HDGFL3: variants seen among roughly 807,000 people sequenced by gnomAD.
HDGFL3 encodes HDGF like 3.
HDGFL3 carries 6 observed loss-of-function variants against 27.6 expected under a neutral mutation model. That is an observed-to-expected ratio of 0.22 (90% CI 0.12 to 0.43). The LOEUF is 0.43. Among genes scored for constraint, HDGFL3 ranks in the 20% least tolerant of loss-of-function variants. The pLI is 1.00. For synonymous variants in HDGFL3, 88 were observed against 88.9 expected, an observed-to-expected ratio of 0.99 and a Z score of 0.05; for missense variants, 207 against 250.1, an observed-to-expected ratio of 0.83 and a Z score of 1.16.
chr15:83,164,437 T>C (rs780686052), intron 1 of HDGFL3, among the ~76,000 whole-genome samples: 11 of 130,898 alleles, frequency 8.4e-5, no homozygotes, highest in Non-Finnish European at 1.5e-4. Flanking sequence ...AGTGAATACA[T>C]ATACATCCCT....
chr15:83,203,485 T>C (rs191424061), intron 1 of HDGFL3, among the ~76,000 whole-genome samples: 1 of 151,990 alleles, frequency 6.6e-6, no homozygotes, highest in Non-Finnish European at 1.5e-5. Context: ...TCTCACCAAA[T>C]GAACAGGTGG....
intron 1 of HDGFL3, among the ~76,000 whole-genome samples, chr15:83,198,690 C>G (rs1464415217): frequency 6.6e-6 from 1 of 152,086 alleles, no homozygotes. Context: ...CAAAGAAGGT[C>G]AAAGGGAAAG....
chr15:83,163,925 G>A lies in HDGFL3; in HGVS notation c.161+74C>T, dbSNP rs2037131063. On this transcript the variant is annotated intron_variant, in intron 2 of 5. Transcript: ENST00000299633. ...TAATGATTTTAATAAGACGTAAGATGTCAGAGATCATCCATAACAATGTAG... is the reference window on the plus strand; with the variant it reads ...TAATGATTTTAATAAGACGTAAGATATCAGAGATCATCCATAACAATGTAG... 14 of 939,842 alleles carry A rather than the reference G, an allele frequency of 1.5e-5. 1 individual carries two copies. The highest frequency in any genetic ancestry group is 1.4e-4 in the South Asian group (10 of 73,656). 58.2% of individuals were successfully genotyped at this position (939,842 alleles called of 1,614,324 possible).
intron 1 of HDGFL3, among the ~76,000 whole-genome samples, chr15:83,193,670 T>A (rs1191620542): frequency 1.3e-5 from 2 of 152,232 alleles, no homozygotes; most frequent in African/African-American, 4.8e-5. Context: ...CAATTTACCG[T>A]TGCCAGCACA....
intron 5 of HDGFL3, among the ~76,000 whole-genome samples, chr15:83,147,734 C>G (rs1159649668): frequency 6.6e-6 from 1 of 152,012 alleles, no homozygotes; most frequent in African/African-American, 2.4e-5. Context: ...TATGCTTAAA[C>G]AAGACAGAAA....
At chr15:83,179,119 G>C (rs1428274830) in intron 1 of HDGFL3, 2 of 152,348 alleles carry the variant, frequency 1.3e-5, no homozygotes, top group African/African-American at 4.8e-5. Flanking sequence ...ACATTCTCCT[G>C]TAGGAACCAG....
At chr15:83,155,608 C>T (rs1358206457) in intron 4 of HDGFL3, among the ~76,000 whole-genome samples, 1 of 152,156 alleles carries the variant, frequency 6.6e-6, no homozygotes, top group Non-Finnish European at 1.5e-5. Flanking sequence ...TATCCCCATC[C>T]AAGGCAATCA....
intron 1 of HDGFL3, among the ~76,000 whole-genome samples, chr15:83,205,045 C>T (rs1371327448): frequency 6.6e-6 from 1 of 152,170 alleles, no homozygotes; most frequent in African/African-American, 2.4e-5. Flanking sequence ...GAGTCCTTGG[C>T]GCCCCACAGT....
chr15:83,152,047 A>C (rs17158073), intron 4 of HDGFL3, among the ~76,000 whole-genome samples: 1,829 of 152,330 alleles, frequency 0.012, 45 homozygotes, highest in African/African-American at 0.043. Flanking sequence ...ATTGCATTAA[A>C]ATTATAGAAA....
At chr15:83,190,438 GT>G (rs2037498299) in intron 1 of HDGFL3, among the ~76,000 whole-genome samples, 5 of 152,104 alleles carry the variant, frequency 3.3e-5, no homozygotes, top group Non-Finnish European at 5.9e-5. Flanking sequence ...TTGTATAAGA[GT>G]TTCTGTTCAC....
rs1049318093 is a variant in HDGFL3 at position 83,207,436 on chromosome 15, T to C, written c.-22A>G. 16 of 1,289,498 alleles carry C rather than the reference T, an allele frequency of 1.2e-5. No homozygotes were observed. Among genetic ancestry groups the C allele is most frequent in the African/African-American group, 1.5e-5 (1 of 65,200 alleles). 79.9% of individuals were successfully genotyped at this position (1,289,498 alleles called of 1,614,324 possible). On this transcript the variant is annotated 5_prime_UTR_variant, in exon 1 of 6. Coordinates refer to ENST00000299633, the MANE Select transcript of HDGFL3 (RefSeq NM_016073.4). This position sits in a 1 kb window ranked among gnomAD's most constrained non-coding sequence, Gnocchi z 4.8. ...CCATCCCAGCCGCTCCCCTTCCTGGTAGTCCTTGGTCGCCGCGAAGATGCC... is the reference window on the plus strand; with the variant it reads ...CCATCCCAGCCGCTCCCCTTCCTGGCAGTCCTTGGTCGCCGCGAAGATGCC...
At chr15:83,151,445 C>G in intron 4 of HDGFL3, 84 bp from the exon 5 acceptor site, 1 of 1,186,406 alleles carries the variant, frequency 8.4e-7, no homozygotes, top group Non-Finnish European at 1.2e-6. Flanking sequence ...AGCTGACTTG[C>G]ATCTATCTAG....
intron 3 of HDGFL3, among the ~76,000 whole-genome samples, chr15:83,121,651 G>A (rs2035254832): frequency 6.6e-6 from 1 of 152,142 alleles, no homozygotes; most frequent in African/African-American, 2.4e-5. Flanking sequence ...GGAGTCCTGT[G>A]GCAGGGATGA....
chr15:83,157,870 G>C, intron 3 of HDGFL3, 33 bp downstream of exon 3: 10 of 1,593,368 alleles, frequency 6.3e-6, no homozygotes, highest in Non-Finnish European at 8.6e-6. Flanking sequence ...AAAGAAATGA[G>C]ATATAGCAAG....
intron 1 of HDGFL3, among the ~76,000 whole-genome samples, chr15:83,174,193 T>C (rs1380011397): frequency 6.6e-6 from 1 of 152,168 alleles, no homozygotes; most frequent in African/African-American, 2.4e-5. Flanking sequence ...TTGTCTACAA[T>C]TGAATTAATT....
chr15:83,122,846 C>T, downstream of HDGFL3: 2 of 1,614,070 alleles, frequency 1.2e-6, no homozygotes, highest in Non-Finnish European at 1.7e-6. Flanking sequence ...AATCTATAAT[C>T]AGCCATCAGA....
chr15:83,121,278 C>T (rs573308049), intron 3 of HDGFL3, among the ~76,000 whole-genome samples: 8 of 149,100 alleles, frequency 5.4e-5, no homozygotes, highest in African/African-American at 1.7e-4. Context: ...GATGGCGTTT[C>T]ACCATGTTGG....
chr15:83,169,354 G>A (rs1295523001), intron 1 of HDGFL3: 6 of 244,524 alleles, frequency 2.5e-5, no homozygotes, highest in African/African-American at 1.3e-4. Flanking sequence ...GGCGGAGCTT[G>A]CAGTGAGCCG....
intron 1 of HDGFL3, chr15:83,179,945 G>C (rs915529168): frequency 6.6e-6 from 1 of 152,418 alleles, no homozygotes; most frequent in Non-Finnish European, 1.5e-5. Context: ...TGAAGGGAAA[G>C]AGAGAAAGGG....
Sources: allele counts gnomAD v4.1 joint callset (sites outside exome capture counted in the v4.1 genomes callset), GRCh38; gene constraint gnomAD v4.1.1; non-coding constraint Gnocchi (gnomAD v3.1); transcripts MANE v1.5; gene names NCBI Gene and HGNC (gene_info 2026-07-23, HGNC 2026-07-21).